The following DYNC2LI1 variants were observed in gnomAD, a reference collection of about 807,000 sequenced individuals.
The protein encoded by DYNC2LI1 is cytoplasmic dynein 2 light intermediate chain 1.
A neutral mutation model predicts 51.9 loss-of-function variants in DYNC2LI1; 45 were observed. The ratio of observed to expected loss-of-function variants is 0.87; its 90% CI spans 0.68 to 1.11. The LOEUF (loss-of-function observed/expected upper bound fraction) is 1.11. DYNC2LI1 is among the 50% of genes most tolerant of loss of function. DYNC2LI1 has a pLI of 0.00. For missense variants in DYNC2LI1, 490 were observed against 417.4 expected (o/e 1.17, Z -1.51); for synonymous variants, 130 against 137.8 (o/e 0.94, Z 0.40).
chr2:43,789,160 T>G (rs936777450), intron 4 of DYNC2LI1, among the ~76,000 whole-genome samples: 2 of 152,200 alleles, frequency 1.3e-5, no homozygotes, highest in Non-Finnish European at 2.9e-5. Flanking sequence ...TTGCCATTTG[T>G]TTGTCCCTTT....
At chr2:43,774,240 G>C in intron 1 of DYNC2LI1, 94 bp downstream of exon 1, 2 of 1,550,136 alleles carry the variant, frequency 1.3e-6, no homozygotes, top group South Asian at 2.3e-5. Context: ...AAGATTGTGG[G>C]GGTGGCTACT....
chr2:43,805,215 A>C lies in DYNC2LI1; in HGVS notation c.962A>C (p.Glu321Ala), dbSNP rs765425415. Residue 321 changes from glutamate (E) to alanine (A), a missense_variant, in exon 12 of 13, where the codon GAA (glutamate) becomes GCA (alanine). Physicochemically the swap from Glu to Ala is moderately radical, Grantham distance 107. Transcript: ENST00000260605. ...PARDPQYAEN[E>A]VDEMRIQKDL... ...AGAGATCCTCAGTATGCTGAAAATG[A>C]AGTCGATGAGATGAGAATTCAGAAG... is the stretch of plus-strand genomic sequence containing the variant. 2 of 1,611,238 alleles carry C rather than the reference A, an allele frequency of 1.2e-6. No individual in the cohort carries two copies. The highest frequency in any genetic ancestry group is 2.2e-5 in the South Asian group (2 of 90,962).
chr2:43,789,307 G>T (rs184974315), intron 4 of DYNC2LI1, among the ~76,000 whole-genome samples: 1 of 152,184 alleles, frequency 6.6e-6, no homozygotes, highest in East Asian at 1.9e-4. Context: ...TTTGTTGAAC[G>T]GGTTAATTTT....
At chr2:43,792,842 T>C (rs905874108) in intron 5 of DYNC2LI1, 2 of 1,488,002 alleles carry the variant, frequency 1.3e-6, no homozygotes, top group Non-Finnish European at 8.9e-7. Flanking sequence ...CCCTCACTTC[T>C]AAGGCTAAAT....
intron 4 of DYNC2LI1, among the ~76,000 whole-genome samples, 155 bp downstream of exon 4, chr2:43,787,405 A>G (rs1673575508): frequency 6.6e-6 from 1 of 152,232 alleles, no homozygotes; most frequent in African/African-American, 2.4e-5. Context: ...GCAGTGTGGC[A>G]GATAGAAGCC....
At chr2:43,798,877 G>A (rs1293010597) in intron 8 of DYNC2LI1, among the ~76,000 whole-genome samples, 1 of 151,084 alleles carries the variant, frequency 6.6e-6, no homozygotes, top group African/African-American at 2.4e-5. Context: ...AAGGAAGAAA[G>A]TTGGGTACTG....
the DYNC2LI1 span, among the ~76,000 whole-genome samples, chr2:43,819,196 C>T: frequency 6.6e-6 from 1 of 152,110 alleles, no homozygotes; most frequent in African/African-American, 2.4e-5. Context: ...AGATTACTTA[C>T]TAGATCCCAC....
At chr2:43,797,228 C>A (rs1292143011) in intron 8 of DYNC2LI1, among the ~76,000 whole-genome samples, 1 of 152,214 alleles carries the variant, frequency 6.6e-6, no homozygotes, top group South Asian at 2.1e-4. Flanking sequence ...AGTCATGCTC[C>A]CTGGGTTCGA....
chr2:43,782,695 C>T (rs1050160031), intron 2 of DYNC2LI1, among the ~76,000 whole-genome samples: 1 of 151,936 alleles, frequency 6.6e-6, no homozygotes, highest in African/African-American at 2.4e-5. Flanking sequence ...TAAAAAGAAA[C>T]TTGGGGTTGG....
chr2:43,775,062 T>A (rs753877616), intron 1 of DYNC2LI1, among the ~76,000 whole-genome samples: 1 of 152,212 alleles, frequency 6.6e-6, no homozygotes, highest in Admixed American at 6.5e-5. Context: ...AAGCCCTCAA[T>A]AATTTTTGTA....
At chr2:43,796,829 G>A in intron 8 of DYNC2LI1, 34 bp downstream of exon 8, 1 of 1,565,666 alleles carries the variant, frequency 6.4e-7, no homozygotes, top group Middle Eastern at 1.7e-4. Flanking sequence ...GGCTTGAATG[G>A]ACAGTACCAA....
intron 3 of DYNC2LI1, among the ~76,000 whole-genome samples, chr2:43,783,817 C>G (rs927155537): frequency 4.6e-5 from 7 of 152,146 alleles, no homozygotes; most frequent in Admixed American, 1.3e-4. Flanking sequence ...ATAGTATTTA[C>G]CTTCTTTTTG....
At chr2:43,776,171 G>A (rs1490945769) in intron 1 of DYNC2LI1, among the ~76,000 whole-genome samples, 2 of 151,972 alleles carry the variant, frequency 1.3e-5, no homozygotes, top group Admixed American at 6.6e-5. Flanking sequence ...TTCTCCTAAT[G>A]CTATCCCTCC....
chr2:43,779,991 T>C (rs1179390089), intron 2 of DYNC2LI1, among the ~76,000 whole-genome samples: 5 of 152,132 alleles, frequency 3.3e-5, no homozygotes, highest in African/African-American at 4.8e-5. Context: ...ATGAATGGTA[T>C]TTAACAGAGA....
the DYNC2LI1 span, among the ~76,000 whole-genome samples, chr2:43,826,086 T>C: frequency 6.6e-6 from 1 of 151,970 alleles, no homozygotes; most frequent in Admixed American, 6.5e-5. Context: ...AGCGATCCTC[T>C]CACCTCAGCC....
chr2:43,779,209 G>A (rs1002360580), intron 2 of DYNC2LI1, among the ~76,000 whole-genome samples: 1 of 152,192 alleles, frequency 6.6e-6, no homozygotes, highest in Non-Finnish European at 1.5e-5. Flanking sequence ...GCTGCCGTGA[G>A]CCATCGTGAT....
In DYNC2LI1 at chr2:43,774,483, C is replaced by T. The variant is rs1328667708; in HGVS notation, c.8+337C>T. Among the ~76,000 whole-genome samples, 4 of 152,190 alleles carry T rather than the reference C, an allele frequency of 2.6e-5. No individual in the cohort carries two copies. In the South Asian group the frequency reaches 6.2e-4, roughly 24 times the overall value. ...CACAAAGCCTCCTCTCCCCAGGGGC[C>T]TCCCCTCCTGGTGCGGGGGTTCGCA... On this transcript the variant is annotated intron_variant, in intron 1 of 12. Transcript: ENST00000260605.
downstream of DYNC2LI1, chr2:43,810,484 A>G: frequency 1.0e-6 from 1 of 985,450 alleles, no homozygotes; most frequent in African/African-American, 1.7e-5. Context: ...AAGCCATTCC[A>G]ATCTGTAGAT....
At chr2:43,791,849 C>T (rs1673809321) in intron 5 of DYNC2LI1, among the ~76,000 whole-genome samples, 2 of 152,078 alleles carry the variant, frequency 1.3e-5, no homozygotes, top group Admixed American at 1.3e-4. Flanking sequence ...TAGTCTGAAT[C>T]TCTGTTTTAG....
Sources: gnomAD v4.1 joint callset for allele counts (sites outside exome capture counted in the v4.1 genomes callset) on GRCh38, gnomAD v4.1.1 for gene constraint, MANE v1.5 for transcripts, NCBI Gene and HGNC (gene_info 2026-07-23, HGNC 2026-07-21) for gene names.